BICDL1: variants seen among roughly 807,000 people sequenced by gnomAD.
BICDL1 encodes the protein BICD family-like cargo adapter 1.
A neutral mutation model predicts 76.8 loss-of-function variants in BICDL1; 20 were observed. That is an observed-to-expected ratio of 0.26 (90% CI 0.18 to 0.38). BICDL1 has a LOEUF of 0.38. Among genes scored for constraint, BICDL1 ranks in the 10% least tolerant of loss-of-function variants. The pLI, the probability that BICDL1 is intolerant of heterozygous loss-of-function variation, is 1.00. For missense variants in BICDL1, 700 were observed against 798.6 expected (o/e 0.88, Z 1.49); for synonymous variants, 383 against 337.1 (o/e 1.14, Z -1.49).
intron 8 of BICDL1, among the ~76,000 whole-genome samples, chr12:120,084,479 A>G (rs1054177727): frequency 6.6e-6 from 1 of 152,162 alleles, no homozygotes; most frequent in Non-Finnish European, 1.5e-5. Context: ...CCTTTGCTAC[A>G]CTGCTACTTG....
chr12:120,055,086 C>T (rs565542352), intron 2 of BICDL1, among the ~76,000 whole-genome samples: 52 of 152,264 alleles, frequency 3.4e-4, no homozygotes, highest in African/African-American at 1.2e-3. Context: ...TCCTCATTGT[C>T]ACTGTCACTG....
rs143777152 is a variant in BICDL1 at position 120,057,818 on chromosome 12, CTTTTTTTTT to C, written c.646-3870_646-3862del. Reference sequence around the variant, plus strand: ...TGCAAAAGGAGGCCAGCGATTCCTGCTTTTTTTTTTTTTTTTTTTTTTTTTTTTTTGAGA... The same window carrying C: ...TGCAAAAGGAGGCCAGCGATTCCTGCTTTTTTTTTTTTTTTTTTTTTGAGA... On this transcript the variant is annotated intron_variant, in intron 2 of 9. Transcript: ENST00000548673. 2.0e-4 allele frequency among the ~76,000 whole-genome samples: 16 copies of C among 78,324 alleles called. No individual in the cohort carries two copies. The East Asian group carries it at 2.9e-3, about 14-fold the overall frequency. 51.4% of individuals were successfully genotyped at this position (78,324 alleles called of 152,430 possible).
intron 8 of BICDL1, 58 bp downstream of exon 8, chr12:120,081,075 C>A: frequency 6.5e-7 from 1 of 1,541,034 alleles, no homozygotes; most frequent in Non-Finnish European, 8.9e-7. Context: ...TAGAATTGAG[C>A]ATATGCTCAA....
chr12:119,995,851 T>C (rs1461074713), intron 1 of BICDL1, among the ~76,000 whole-genome samples: 2 of 150,998 alleles, frequency 1.3e-5, no homozygotes, highest in South Asian at 4.2e-4. Flanking sequence ...CTGGGCGTGG[T>C]GGTGGGCGCC....
In BICDL1 at chr12:120,013,614, A is replaced by C. The variant is rs535342432; in HGVS notation, c.645+14878A>C. On this transcript the variant is annotated intron_variant, in intron 2 of 9. Coordinates refer to ENST00000548673, the MANE Select transcript of BICDL1 (RefSeq NM_001367886.1). ...GTAGCTGGGATTACAGGTGCCCGCCACCACGCCTGGCTAATTTTTGTATTT... is the reference window on the plus strand; with the variant it reads ...GTAGCTGGGATTACAGGTGCCCGCCCCCACGCCTGGCTAATTTTTGTATTT... Among the ~76,000 whole-genome samples, 14 of 152,044 alleles carry C rather than the reference A, an allele frequency of 9.2e-5. No individual in the cohort carries two copies. In the East Asian group the frequency reaches 2.5e-3, roughly 28 times the overall value.
At chr12:120,070,516 A>G (rs76490401) in intron 4 of BICDL1, among the ~76,000 whole-genome samples, 3,286 of 152,312 alleles carry the variant, frequency 0.022, 66 homozygotes, top group Non-Finnish European at 0.033. Context: ...TCATCTGTAA[A>G]TAAAAAGTAC....
chr12:120,048,494 A>G (rs1952792553), intron 2 of BICDL1, among the ~76,000 whole-genome samples: 1 of 152,116 alleles, frequency 6.6e-6, no homozygotes, highest in African/African-American at 2.4e-5. Context: ...TGTCTTCCTC[A>G]AACCTTATAG....
At position 119,989,844 on chromosome 12, in the gene BICDL1, G is replaced by T; in HGVS notation, c.-25G>T. ...TGGCGCGCGCGGGCCGGGCCGCACCGCTGCGGGCTCCGCGCGCGCGGGCCA... is the reference window on the plus strand; with the variant it reads ...TGGCGCGCGCGGGCCGGGCCGCACCTCTGCGGGCTCCGCGCGCGCGGGCCA... On this transcript the variant is annotated 5_prime_UTR_variant, in exon 1 of 10. Coordinates refer to ENST00000548673, the MANE Select transcript of BICDL1 (RefSeq NM_001367886.1). 7.7e-7 allele frequency: 1 copy of T among 1,297,360 alleles called. No individual in the cohort carries two copies. The highest frequency in any genetic ancestry group is 9.7e-7 in the Non-Finnish European group (1 of 1,029,112). 80.4% of individuals were successfully genotyped at this position (1,297,360 alleles called of 1,614,324 possible).
chr12:120,078,001 A>T (rs926635063), intron 7 of BICDL1, among the ~76,000 whole-genome samples: 8 of 152,086 alleles, frequency 5.3e-5, no homozygotes, highest in Non-Finnish European at 1.0e-4. Flanking sequence ...GCAGAACTGA[A>T]CATAGGATAC....
At chr12:120,062,803 G>T (rs1022913682) in intron 3 of BICDL1, among the ~76,000 whole-genome samples, 1 of 152,264 alleles carries the variant, frequency 6.6e-6, no homozygotes, top group East Asian at 1.9e-4. Context: ...GCATGCCTGT[G>T]TGTGACCATT....
At chr12:120,014,584 C>T (rs1202772559) in intron 2 of BICDL1, among the ~76,000 whole-genome samples, 6 of 151,602 alleles carry the variant, frequency 4.0e-5, no homozygotes, top group Admixed American at 3.9e-4. Flanking sequence ...CCCAGCTACT[C>T]AGGAGGCTGA....
intron 7 of BICDL1, among the ~76,000 whole-genome samples, chr12:120,078,973 T>C (rs1029070910): frequency 6.6e-6 from 1 of 152,186 alleles, no homozygotes; most frequent in African/African-American, 2.4e-5. Flanking sequence ...TGCTGCTAAA[T>C]AGGGGGAGGC....
chr12:120,005,024 T>G (rs1391339220), intron 2 of BICDL1, among the ~76,000 whole-genome samples: 1 of 152,160 alleles, frequency 6.6e-6, no homozygotes, highest in African/African-American at 2.4e-5. Context: ...GATTTCACCA[T>G]GTTGGCCAGT....
chr12:120,003,858 A>G (rs186431484), intron 2 of BICDL1, among the ~76,000 whole-genome samples: 1 of 152,316 alleles, frequency 6.6e-6, no homozygotes, highest in Admixed American at 6.5e-5. Flanking sequence ...AGCTTTTACA[A>G]AAAATTCTCG....
chr12:120,058,125 G>A (rs537762002), intron 2 of BICDL1, among the ~76,000 whole-genome samples: 10 of 152,180 alleles, frequency 6.6e-5, no homozygotes, highest in African/African-American at 1.4e-4. Flanking sequence ...GAGCCACCGC[G>A]CCTGGCCGAT....
intron 2 of BICDL1, 116 bp downstream of exon 2, chr12:119,998,852 TCA>T: frequency 8.4e-6 from 8 of 956,618 alleles, no homozygotes; most frequent in Non-Finnish European, 1.2e-5. Flanking sequence ...GAGAAGCACT[TCA>T]GACCAATCTG....
intron 5 of BICDL1, 107 bp from the exon 6 acceptor site, chr12:120,072,404 G>A: frequency 2.0e-6 from 2 of 991,336 alleles, no homozygotes; most frequent in South Asian, 2.9e-5. Flanking sequence ...CTTTCTTCTA[G>A]AACTGGTGTC....
chr12:120,017,778 C>T (rs772236640), intron 2 of BICDL1, among the ~76,000 whole-genome samples: 12 of 151,978 alleles, frequency 7.9e-5, no homozygotes, highest in Non-Finnish European at 1.3e-4. Context: ...AATAGTTGCT[C>T]AATTAGTGGC....
chr12:120,014,416 C>T (rs868433470), intron 2 of BICDL1, among the ~76,000 whole-genome samples: 3 of 151,894 alleles, frequency 2.0e-5, no homozygotes, highest in South Asian at 2.1e-4. Flanking sequence ...ATTCTTGCAC[C>T]GGTGCAGTGG....
Sources: allele counts gnomAD v4.1 joint callset (sites outside exome capture counted in the v4.1 genomes callset), GRCh38; gene constraint gnomAD v4.1.1; transcripts MANE v1.5; gene names NCBI Gene and HGNC (gene_info 2026-07-23, HGNC 2026-07-21).